Variants in ASAP1 observed in about 807,000 individuals in gnomAD.
The protein encoded by ASAP1 is arf-GAP with SH3 domain, ANK repeat and PH domain-containing protein 1.
A neutral mutation model predicts 145.2 loss-of-function variants in ASAP1; 43 were observed. That is an observed-to-expected ratio of 0.30 (90% CI 0.23 to 0.38). The LOEUF (loss-of-function observed/expected upper bound fraction) is 0.38, where lower values mean the gene tolerates loss of function less well. ASAP1 is among the 10% of genes least tolerant of loss of function. The pLI, the probability that ASAP1 is intolerant of heterozygous loss-of-function variation, is 1.00. For missense variants in ASAP1, 1,018 were observed against 1,355.3 expected (o/e 0.75, Z 3.91); for synonymous variants, 546 against 515.5 (o/e 1.06, Z -0.80).
At chr8:130,318,654 A>G (rs1230800348) in intron 3 of ASAP1, among the ~76,000 whole-genome samples, 1 of 152,202 alleles carries the variant, frequency 6.6e-6, no homozygotes, top group Non-Finnish European at 1.5e-5. Flanking sequence ...CCTCATAGCC[A>G]GTGAAGTGGT....
At position 130,358,185 on chromosome 8, in the gene ASAP1, T is replaced by A; in HGVS notation, c.60-42A>T. ...GACACAAGCGGGGGCGGGGGGTGAG[T>A]CACGGCGCAGGCTCCCGGGGCCGCG... On this transcript the variant is annotated intron_variant, in intron 2 of 29. Transcript: ENST00000518721. The surrounding 1 kb of genome is among the most constrained non-coding windows in gnomAD (Gnocchi z 4.1). 6.4e-7 allele frequency: 1 copy of A among 1,560,430 alleles called. No homozygotes were observed. Among genetic ancestry groups the A allele is most frequent in the Non-Finnish European group, 8.7e-7 (1 of 1,155,192 alleles).
At chr8:130,217,506 G>GTA (rs1208459766) in intron 4 of ASAP1, among the ~76,000 whole-genome samples, 1 of 145,240 alleles carries the variant, frequency 6.9e-6, no homozygotes, top group East Asian at 2.0e-4. Flanking sequence ...TATTATATGT[G>GTA]TATATATGTG....
chr8:130,331,509 T>C (rs1051934917), intron 3 of ASAP1, among the ~76,000 whole-genome samples: 2 of 152,212 alleles, frequency 1.3e-5, no homozygotes, highest in Non-Finnish European at 2.9e-5. Context: ...CTATGGAATC[T>C]GGCAGGCATG....
chr8:130,359,477 G>C (rs1233577144), intron 2 of ASAP1, among the ~76,000 whole-genome samples: 1 of 152,140 alleles, frequency 6.6e-6, no homozygotes, highest in Non-Finnish European at 1.5e-5. Flanking sequence ...CTTTGGGAAG[G>C]GCCACAGGAT....
rs747798716 is a variant in ASAP1 at position 130,401,873 on chromosome 8, G to C, written c.59+12C>G. 21 of 1,612,682 alleles carry C rather than the reference G, an allele frequency of 1.3e-5. No individual in the cohort carries two copies. In the South Asian group the frequency reaches 2.2e-4, roughly 17 times the overall value. ...CGAGTTTTCTGGACAGGATGGGCTA[G>C]AGATCACTCACCGATTCCATAGTGA... On this transcript the variant is annotated intron_variant, in intron 2 of 29. Coordinates refer to ENST00000518721, the MANE Select transcript of ASAP1 (RefSeq NM_018482.4).
intron 27 of ASAP1, among the ~76,000 whole-genome samples, chr8:130,072,519 A>C (rs2097449080): frequency 7.2e-6 from 1 of 138,446 alleles, no homozygotes; most frequent in Non-Finnish European, 1.6e-5. Context: ...TGAGTCCATT[A>C]AACTTCTTTT....
intron 3 of ASAP1, among the ~76,000 whole-genome samples, chr8:130,306,364 T>C (rs1264352931): frequency 2.0e-5 from 3 of 152,188 alleles, no homozygotes; most frequent in Non-Finnish European, 2.9e-5. Context: ...TTCTTTCCAG[T>C]CACTTGGATT....
At chr8:130,123,908 G>A (rs912616711) in intron 18 of ASAP1, 105 bp downstream of exon 18, 30 of 770,832 alleles carry the variant, frequency 3.9e-5, no homozygotes, top group African/African-American at 1.2e-4. Context: ...GATTACAGGC[G>A]TGAGCCACTG....
chr8:130,198,304 T>A (rs1815643455), intron 5 of ASAP1, among the ~76,000 whole-genome samples: 1 of 152,096 alleles, frequency 6.6e-6, no homozygotes, highest in Non-Finnish European at 1.5e-5. Flanking sequence ...TTTGTATTTT[T>A]AGTAGAGACA....
rs556951638 is a variant in ASAP1, at chr8:130,340,986, G to A, written c.186+17031C>T. On this transcript the variant is annotated intron_variant, in intron 3 of 29. Coordinates refer to ENST00000518721, the MANE Select transcript of ASAP1 (RefSeq NM_018482.4). ...TTTTTGTTTTTGTTTTTGTTTTGTC[G>A]CTGGGGGGCAGTGGTGGAGGGGTGG... The A allele has an allele frequency of 2.3e-5, 10 of 443,488 alleles. 2 individuals carry two copies. Among genetic ancestry groups the A allele is most frequent in the South Asian group, 1.3e-4 (8 of 62,222 alleles). 27.5% of individuals were successfully genotyped at this position (443,488 alleles called of 1,614,324 possible).
intron 3 of ASAP1, among the ~76,000 whole-genome samples, chr8:130,284,913 G>A (rs1175112753): frequency 6.6e-6 from 1 of 151,646 alleles, no homozygotes; most frequent in African/African-American, 2.4e-5. Flanking sequence ...GAGAGAGAGA[G>A]ACAGAGAGAC....
At chr8:130,267,996 T>C (rs1425398507) in intron 3 of ASAP1, among the ~76,000 whole-genome samples, 1 of 152,148 alleles carries the variant, frequency 6.6e-6, no homozygotes. Context: ...ATTCCCTCTG[T>C]CCAAGCATCT....
intron 3 of ASAP1, among the ~76,000 whole-genome samples, chr8:130,239,462 C>T (rs536103889): frequency 6.6e-6 from 1 of 152,158 alleles, no homozygotes; most frequent in South Asian, 2.1e-4. Context: ...GGAATTTGAA[C>T]CCAGGTCTTT....
chr8:130,264,191 CA>C (rs1449292725), intron 3 of ASAP1, among the ~76,000 whole-genome samples: 2 of 152,150 alleles, frequency 1.3e-5, no homozygotes, highest in African/African-American at 4.8e-5. Flanking sequence ...AACCTAAAGG[CA>C]AATCAAATCA....
intron 9 of ASAP1, 104 bp downstream of exon 9, chr8:130,179,160 T>C (rs1814176169): frequency 1.5e-6 from 1 of 650,668 alleles, no homozygotes; most frequent in South Asian, 2.3e-5. Flanking sequence ...TATCACTTTA[T>C]TTAGTCACGA....
intron 4 of ASAP1, among the ~76,000 whole-genome samples, chr8:130,235,869 A>G (rs1818184299): frequency 6.6e-6 from 1 of 152,152 alleles, no homozygotes; most frequent in Non-Finnish European, 1.5e-5. Context: ...CATTCAGCTC[A>G]ATAATTTCAT....
intron 4 of ASAP1, among the ~76,000 whole-genome samples, chr8:130,218,601 G>A (rs1817080699): frequency 6.6e-6 from 1 of 152,188 alleles, no homozygotes; most frequent in African/African-American, 2.4e-5. Flanking sequence ...TAAAGGCTAA[G>A]GCAGAGACAG....
chr8:130,300,802 G>C (rs556400260), intron 3 of ASAP1, among the ~76,000 whole-genome samples: 1 of 152,250 alleles, frequency 6.6e-6, no homozygotes, highest in South Asian at 2.1e-4. Flanking sequence ...GCTTCCTTTG[G>C]CCAAGAAAGA....
At chr8:130,097,077 G>A (rs527972471) in intron 24 of ASAP1, among the ~76,000 whole-genome samples, 186 of 126,026 alleles carry the variant, frequency 1.5e-3, no homozygotes, top group African/African-American at 5.4e-3. Context: ...AGTGAGCCGA[G>A]ATCATGCCAC....
Sources: gnomAD v4.1 joint callset for allele counts (sites outside exome capture counted in the v4.1 genomes callset) on GRCh38, gnomAD v4.1.1 for gene constraint, Gnocchi (gnomAD v3.1) non-coding constraint, MANE v1.5 for transcripts, NCBI Gene and HGNC (gene_info 2026-07-23, HGNC 2026-07-21) for gene names.